NAV2: variants seen among roughly 807,000 people sequenced by gnomAD.
NAV2 encodes helicase, APC down-regulated 1.
A neutral mutation model predicts 223.2 loss-of-function variants in NAV2; 54 were observed. The ratio of observed to expected loss-of-function variants is 0.24; its 90% CI spans 0.19 to 0.30. The LOEUF is 0.30. Among genes scored for constraint, NAV2 ranks in the 10% least tolerant of loss-of-function variants. NAV2 has a pLI of 1.00. For synonymous variants in NAV2, 1,279 were observed against 1,239.3 expected (o/e 1.03, Z -0.67); for missense variants, 2,806 against 3,147.5 (o/e 0.89, Z 2.60).
intron 1 of NAV2, among the ~76,000 whole-genome samples, chr11:19,408,415 T>G (rs766653113): frequency 3.3e-5 from 5 of 152,218 alleles, no homozygotes; most frequent in African/African-American, 9.6e-5. Flanking sequence ...TCACTCCAGA[T>G]AATTTTTGCT....
At position 19,519,630 on chromosome 11, in the gene NAV2, C is replaced by T. The variant is rs556381306; in HGVS notation, c.75+168603C>T. 2.6e-5 allele frequency: 4 copies of T among 152,368 alleles called. No homozygotes were observed. In the East Asian group the frequency reaches 7.7e-4, roughly 29 times the overall value. The allele number at this position is 152,368 out of a possible 1,614,324, so 9.4% of individuals were successfully genotyped here. On this transcript the variant is annotated intron_variant, in intron 1 of 37. Coordinates refer to the NAV2 transcript ENST00000360655. ...ATCCCCCTTTTCCAGGTTTGACATT[C>T]AGGAAGGCTGCCCCTGCCTTGGTTT...
At position 19,835,277 on chromosome 11, in the gene NAV2, T is replaced by C. The variant is rs867627700; in HGVS notation, c.385+2676T>C. 3.3e-5 allele frequency among the ~76,000 whole-genome samples: 5 copies of C among 152,144 alleles called. No individual in the cohort carries two copies. In the South Asian group the frequency reaches 6.2e-4, roughly 19 times the overall value. The stretch of plus-strand genomic sequence containing the variant: ...ACCTGAGGCCACTAAATTGCTTCCC[T>C]AAACCCTCCACCCTCCAACACAGGA... On this transcript the variant is annotated intron_variant, in intron 2 of 37. Transcript: ENST00000349880.
intron 1 of NAV2, among the ~76,000 whole-genome samples, chr11:19,576,627 T>C (rs1394705791): frequency 6.6e-6 from 1 of 152,238 alleles, no homozygotes; most frequent in Non-Finnish European, 1.5e-5. Context: ...ATTTAGCTTG[T>C]TGTAAAACTT....
intron 1 of NAV2, among the ~76,000 whole-genome samples, chr11:19,609,742 A>G (rs1001571194): frequency 3.3e-5 from 5 of 152,182 alleles, no homozygotes; most frequent in Non-Finnish European, 7.3e-5. Flanking sequence ...AATTGAACAA[A>G]TGATTATTGG....
At chr11:20,051,471 A>G in intron 17 of NAV2, 138 bp downstream of exon 17, 1 of 773,040 alleles carries the variant, frequency 1.3e-6, no homozygotes, top group Non-Finnish European at 2.3e-6. Flanking sequence ...CTTTTGGATG[A>G]CGGCTCCCCT....
chr11:19,990,250 T>C (rs1355333215), intron 11 of NAV2, among the ~76,000 whole-genome samples: 4 of 152,208 alleles, frequency 2.6e-5, no homozygotes, highest in African/African-American at 9.6e-5. Context: ...TTCTGACTTA[T>C]TGCAATTTTT....
At chr11:19,380,151 T>G (rs748489780) in intron 1 of NAV2, among the ~76,000 whole-genome samples, 1 of 152,188 alleles carries the variant, frequency 6.6e-6, no homozygotes, top group African/African-American at 2.4e-5. Context: ...AATCTTTTTA[T>G]GCAAAGAAAT....
intron 1 of NAV2, among the ~76,000 whole-genome samples, chr11:19,683,424 C>T (rs1442855912): frequency 6.6e-6 from 1 of 152,204 alleles, no homozygotes; most frequent in Non-Finnish European, 1.5e-5. Context: ...CTAGCAAGGA[C>T]TGAATTTTTA....
intron 11 of NAV2, among the ~76,000 whole-genome samples, chr11:20,024,844 C>G (rs1016152315): frequency 1.3e-5 from 2 of 152,138 alleles, no homozygotes; most frequent in African/African-American, 4.8e-5. Flanking sequence ...AACTCCTGTC[C>G]CATTCTACTT....
At chr11:19,992,991 G>T (rs1325959386) in intron 11 of NAV2, among the ~76,000 whole-genome samples, 3 of 152,132 alleles carry the variant, frequency 2.0e-5, no homozygotes. Context: ...AAGATGTCTA[G>T]CAATATGAAA....
intron 1 of NAV2, among the ~76,000 whole-genome samples, chr11:19,585,981 A>T (rs1333018351): frequency 6.6e-6 from 1 of 152,216 alleles, no homozygotes; most frequent in Non-Finnish European, 1.5e-5. Flanking sequence ...GTGTTTTCCA[A>T]CTTTGTTCCA....
chr11:19,352,351 G>A (rs1427434982), intron 1 of NAV2, among the ~76,000 whole-genome samples: 1 of 152,230 alleles, frequency 6.6e-6, no homozygotes, highest in Non-Finnish European at 1.5e-5. Flanking sequence ...CAGACACTTA[G>A]TGGAGGAACA....
At chr11:19,600,449 G>A (rs1334265688) in intron 1 of NAV2, among the ~76,000 whole-genome samples, 3 of 152,196 alleles carry the variant, frequency 2.0e-5, no homozygotes, top group East Asian at 1.9e-4. Context: ...TATAACAGTT[G>A]CCAATATTTA....
At chr11:20,071,335 C>T (rs1396233541) in intron 22 of NAV2, among the ~76,000 whole-genome samples, 1 of 152,122 alleles carries the variant, frequency 6.6e-6, no homozygotes, top group Non-Finnish European at 1.5e-5. Flanking sequence ...TGTATATGTG[C>T]CACATGTCTT....
upstream of NAV2, among the ~76,000 whole-genome samples, chr11:19,709,404 T>C (rs1166697761): frequency 6.6e-6 from 1 of 150,966 alleles, no homozygotes; most frequent in Non-Finnish European, 1.5e-5. Context: ...TAGCTGGGCA[T>C]GGTGGCGGGT....
intron 8 of NAV2, among the ~76,000 whole-genome samples, chr11:19,945,154 TCCCTTCCCTTCCCTTCCCTTC>T (rs2046812661): frequency 1.4e-4 from 1 of 7,262 alleles, no homozygotes; most frequent in African/African-American, 3.6e-4. Flanking sequence ...TCTTTCTGTC[TCCCTTCCCTTCCCTTCCCTTC>T]CCTTCCCTTC....
chr11:19,971,495 G>A lies in NAV2; in HGVS notation c.2646-12630G>A, dbSNP rs545779636. Among the ~76,000 whole-genome samples the A allele has an allele frequency of 7.4e-4, 112 of 152,078 alleles. 2 individuals are homozygous for A. The highest frequency in any genetic ancestry group is 2.2e-4 in the Non-Finnish European group (15 of 68,006). On this transcript the variant is annotated intron_variant, in intron 10 of 37. Transcript: ENST00000349880. ...GTGAGATTTCCCTTTCCTGGCTCAG[G>A]GCATGGGTGGGCCCCCCGGTAACAC...
At chr11:20,085,660 A>AGG in intron 26 of NAV2, among the ~76,000 whole-genome samples, 1 of 152,318 alleles carries the variant, frequency 6.6e-6, no homozygotes, top group African/African-American at 2.4e-5. Flanking sequence ...GCTCACTCCA[A>AGG]ACCCAGTGCA....
At chr11:19,597,455 C>T (rs548005100) in intron 1 of NAV2, among the ~76,000 whole-genome samples, 16 of 152,284 alleles carry the variant, frequency 1.1e-4, no homozygotes, top group Middle Eastern at 3.4e-3. Flanking sequence ...CTACTGACTT[C>T]CCTGGGGCAG....
Sources: allele counts gnomAD v4.1 joint callset (sites outside exome capture counted in the v4.1 genomes callset), GRCh38; gene constraint gnomAD v4.1.1; transcripts MANE v1.5; gene names NCBI Gene and HGNC (gene_info 2026-07-23, HGNC 2026-07-21).